Variants in DLEU7 observed in about 807,000 individuals in gnomAD.
DLEU7 encodes deleted in lymphocytic leukemia 7.
In DLEU7, 17 loss-of-function variants were observed where a neutral mutation model predicts 16.0. The ratio of observed to expected loss-of-function variants is 1.06; its 90% CI spans 0.73 to 1.59. DLEU7 has a LOEUF of 1.59. Among genes scored for constraint, DLEU7 ranks in the 40% most tolerant of loss-of-function variants. The pLI is 0.00. For missense variants in DLEU7, 308 were observed against 314.9 expected, an observed-to-expected ratio of 0.98 and a Z score of 0.17; for synonymous variants, 113 against 139.8, an observed-to-expected ratio of 0.81 and a Z score of 1.35.
At chr13:50,766,931 T>G (rs112723533) in intron 1 of DLEU7, among the ~76,000 whole-genome samples, 2,838 of 151,180 alleles carry the variant, frequency 0.019, 93 homozygotes, top group African/African-American at 0.065. Flanking sequence ...TGGAGACTTG[T>G]CTCCCCTGGG....
At chr13:50,785,149 C>T (rs183304075) in intron 1 of DLEU7, among the ~76,000 whole-genome samples, 6 of 152,136 alleles carry the variant, frequency 3.9e-5, no homozygotes, top group Admixed American at 6.5e-5. Flanking sequence ...GAGTAACTTA[C>T]GCAGGTGTGA....
At chr13:50,732,606 CAAAAAAAAAA>C (rs58395582) in intron 1 of DLEU7, among the ~76,000 whole-genome samples, 1 of 65,950 alleles carries the variant, frequency 1.5e-5, no homozygotes, top group Non-Finnish European at 2.6e-5. Context: ...GACTCCATCT[CAAAAAAAAAA>C]AAAAAAAAAA....
At chr13:50,732,470 C>T (rs181333195) in intron 1 of DLEU7, among the ~76,000 whole-genome samples, 87 of 151,964 alleles carry the variant, frequency 5.7e-4, no homozygotes, top group African/African-American at 2.1e-3. Context: ...ATTAGGTAGG[C>T]ATGGTGGCAG....
chr13:50,779,034 TAAA>T (rs1875581199), intron 1 of DLEU7, among the ~76,000 whole-genome samples: 1 of 152,200 alleles, frequency 6.6e-6, no homozygotes, highest in Non-Finnish European at 1.5e-5. Context: ...GGGTGTGAGA[TAAA>T]GGACAGGTGC....
intron 1 of DLEU7, among the ~76,000 whole-genome samples, chr13:50,773,878 G>T (rs1875406001): frequency 6.6e-6 from 1 of 152,230 alleles, no homozygotes; most frequent in Non-Finnish European, 1.5e-5. Flanking sequence ...CCTGCCCCCA[G>T]AGATGGAGTC....
At chr13:50,835,576 A>G (rs9568480) in intron 1 of DLEU7, among the ~76,000 whole-genome samples, 91,158 of 152,040 alleles carry the variant, frequency 0.6, 27,895 homozygotes, top group African/African-American at 0.73. Flanking sequence ...TAATTGAGAG[A>G]GCTTGGCTAT....
chr13:50,761,396 G>A (rs1258486518), intron 1 of DLEU7, among the ~76,000 whole-genome samples: 5 of 150,810 alleles, frequency 3.3e-5, no homozygotes, highest in African/African-American at 1.2e-4. Flanking sequence ...AAGGGGTGGA[G>A]TGGAACAGTT....
At chr13:50,833,131 C>G (rs1722429192) in intron 1 of DLEU7, among the ~76,000 whole-genome samples, 1 of 152,170 alleles carries the variant, frequency 6.6e-6, no homozygotes, top group African/African-American at 2.4e-5. Flanking sequence ...CCTTTGAAAA[C>G]CAGCACAAGA....
At chr13:50,773,674 G>A (rs1488933511) in intron 1 of DLEU7, among the ~76,000 whole-genome samples, 1 of 152,168 alleles carries the variant, frequency 6.6e-6, no homozygotes, top group Non-Finnish European at 1.5e-5. Flanking sequence ...CCAGCTATAT[G>A]AAGTGTCAGT....
intron 1 of DLEU7, among the ~76,000 whole-genome samples, chr13:50,795,273 C>A (rs1037772757): frequency 6.6e-6 from 1 of 152,252 alleles, no homozygotes; most frequent in East Asian, 1.9e-4. Flanking sequence ...GTGGCCTCCT[C>A]CCCAACTTTA....
intron 1 of DLEU7, among the ~76,000 whole-genome samples, chr13:50,824,352 G>A (rs1016339636): frequency 2.0e-5 from 3 of 152,126 alleles, no homozygotes; most frequent in Non-Finnish European, 4.4e-5. Context: ...TCTCTTTTCA[G>A]TATAGGGAAA....
intron 1 of DLEU7, among the ~76,000 whole-genome samples, chr13:50,837,620 C>A (rs1433515197): frequency 6.6e-6 from 1 of 152,096 alleles, no homozygotes; most frequent in East Asian, 1.9e-4. Flanking sequence ...GATTATATAA[C>A]CGTGAGCATT....
downstream of DLEU7, chr13:50,711,359 A>G (rs986561307): frequency 2.0e-5 from 3 of 152,228 alleles, no homozygotes; most frequent in African/African-American, 4.8e-5. Context: ...GTCCTTATAT[A>G]TTCATCTAAC....
chr13:50,748,422 A>C (rs1212482512), intron 1 of DLEU7, among the ~76,000 whole-genome samples: 1 of 152,066 alleles, frequency 6.6e-6, no homozygotes, highest in Non-Finnish European at 1.5e-5. Flanking sequence ...CTTGATTATA[A>C]AGGACATGAG....
chr13:50,771,805 G>T (rs1038176869), intron 1 of DLEU7, among the ~76,000 whole-genome samples: 5 of 152,096 alleles, frequency 3.3e-5, no homozygotes, highest in East Asian at 3.9e-4. Flanking sequence ...CTGAGTTCAA[G>T]TCCTGGGTAT....
intron 1 of DLEU7, among the ~76,000 whole-genome samples, chr13:50,741,050 G>T (rs992015718): frequency 6.6e-6 from 1 of 152,136 alleles, no homozygotes; most frequent in Admixed American, 6.5e-5. Context: ...ATCTAATAAA[G>T]TCAGCCAAGC....
chr13:50,720,323 A>G (rs925078219), intron 1 of DLEU7, among the ~76,000 whole-genome samples: 3 of 152,168 alleles, frequency 2.0e-5, no homozygotes, highest in Non-Finnish European at 4.4e-5. Flanking sequence ...CCTTCTTCAT[A>G]TGTCAGCCAA....
chr13:50,761,318 T>C (rs1403850944), intron 1 of DLEU7, among the ~76,000 whole-genome samples: 1 of 151,744 alleles, frequency 6.6e-6, no homozygotes, highest in African/African-American at 2.4e-5. Flanking sequence ...GTCAAAAGAG[T>C]TTGAGAAGGG....
At chr13:50,712,982 G>A (rs1873337757) in exon 2 of DLEU7, 1 of 524,534 alleles carries the variant, frequency 1.9e-6, no homozygotes, top group Admixed American at 3.4e-5. Flanking sequence ...TTGGAGGTGA[G>A]AGAGGATAAA....
Sources: allele counts gnomAD v4.1 joint callset (sites outside exome capture counted in the v4.1 genomes callset), GRCh38; gene constraint gnomAD v4.1.1; transcripts MANE v1.5; gene names NCBI Gene and HGNC (gene_info 2026-07-23, HGNC 2026-07-21).